MRPS5: variants seen among roughly 807,000 people sequenced by gnomAD.
The protein encoded by MRPS5 is mitochondrial ribosomal protein S5.
Under a neutral mutation model 51.9 loss-of-function variants are expected in MRPS5, and 27 were observed. That is an observed-to-expected ratio of 0.52 (90% CI 0.38 to 0.72). MRPS5 has a LOEUF of 0.72. MRPS5 is among the 30% of genes least tolerant of loss of function. MRPS5 has a pLI of 0.00. For synonymous variants in MRPS5, 196 were observed against 193.2 expected, an observed-to-expected ratio of 1.01 and a Z score of -0.12; for missense variants, 570 against 545.7, an observed-to-expected ratio of 1.04 and a Z score of -0.44.
intron 7 of MRPS5, chr2:95,102,057 G>A (rs1472471145): frequency 4.9e-6 from 1 of 205,892 alleles, no homozygotes; most frequent in East Asian, 1.3e-4. Context: ...CTACTCAGGA[G>A]GCTGAGATGG....
In MRPS5 at chr2:95,104,635, T is replaced by C. The variant is rs1177721314; in HGVS notation, c.763+5A>G. ...GCCACTGTGATGCCATCACTCCCCATTCACCTGCAGCTCCTTTTCCGTTCC... is the reference window on the plus strand; with the variant it reads ...GCCACTGTGATGCCATCACTCCCCACTCACCTGCAGCTCCTTTTCCGTTCC... On this transcript the variant is annotated splice_donor_5th_base_variant and intron_variant, in intron 7 of 11. Transcript: ENST00000272418. 4.3e-6 allele frequency: 7 copies of C among 1,613,848 alleles called. No individual in the cohort carries two copies. The highest frequency in any genetic ancestry group is 1.3e-5 in the African/African-American group (1 of 74,928).
intron 5 of MRPS5, among the ~76,000 whole-genome samples, chr2:95,106,988 C>T (rs1675969416): frequency 6.6e-6 from 1 of 152,192 alleles, no homozygotes; most frequent in Non-Finnish European, 1.5e-5. Context: ...CTCCCTGCTG[C>T]CAGCTGGCCT....
rs552974567 is a variant in MRPS5 at position 95,108,284 on chromosome 2, T to C, written c.528A>G (p.Arg176=). 2.5e-6 allele frequency: 4 copies of C among 1,614,206 alleles called. No homozygotes were observed. The highest frequency in any genetic ancestry group is 4.5e-5 in the East Asian group (2 of 44,882). ...EKVEADMIQQ[R]EEWDRKKKMK... is the part of the protein sequence containing the mutation. ...TCTTCTTCTTTCGGTCCCACTCTTCTCTCTGCTGGATCATGTCTGCCTCCA... is the reference window on the plus strand; with the variant it reads ...TCTTCTTCTTTCGGTCCCACTCTTCCCTCTGCTGGATCATGTCTGCCTCCA... The change falls in exon 5 of 12, where the codon AGA becomes AGG. Residue 176 remains arginine (R), a synonymous_variant. Transcript: ENST00000272418.
intron 1 of MRPS5, 132 bp downstream of exon 1, chr2:95,121,602 G>C: frequency 1.0e-6 from 1 of 992,032 alleles, no homozygotes; most frequent in Non-Finnish European, 1.4e-6. Flanking sequence ...TCCGGCGGAA[G>C]GTGGGGGCAC....
At chr2:95,120,636 G>A (rs1309190134) in intron 1 of MRPS5, among the ~76,000 whole-genome samples, 1 of 152,226 alleles carries the variant, frequency 6.6e-6, no homozygotes, top group Non-Finnish European at 1.5e-5. Flanking sequence ...TTCGGAGCCA[G>A]GTGATATGGG....
At position 95,092,270 on chromosome 2, in the gene MRPS5, T is replaced by C. The variant is rs141001054; in HGVS notation, c.932-1748A>G. 11 of 152,330 alleles carry C rather than the reference T, an allele frequency of 7.2e-5. No homozygotes were observed. In the East Asian group the frequency reaches 2.1e-3, roughly 29 times the overall value. The allele number at this position is 152,330 out of a possible 1,614,324, so 9.4% of individuals were successfully genotyped here. On this transcript the variant is annotated intron_variant, in intron 10 of 11. Transcript: ENST00000272418. ...TGCTGTGTGTGGAACTGAATACTGT[T>C]CTATAGCCGAAGTAGAAGTGTTCCA...
intron 1 of MRPS5, 109 bp downstream of exon 1, chr2:95,121,625 C>CG: frequency 7.9e-7 from 1 of 1,264,358 alleles, no homozygotes; most frequent in Admixed American, 2.4e-5. Flanking sequence ...CGTGAAGAGC[C>CG]GGGGGCCGCG....
intron 9 of MRPS5, 96 bp downstream of exon 9, chr2:95,100,741 G>C: frequency 9.8e-7 from 1 of 1,015,746 alleles, no homozygotes; most frequent in Non-Finnish European, 1.4e-6. Flanking sequence ...TGTAATAAGA[G>C]AGAAACACAA....
chr2:95,118,328 G>A (rs1222467564), intron 1 of MRPS5, among the ~76,000 whole-genome samples: 1 of 152,148 alleles, frequency 6.6e-6, no homozygotes, highest in Admixed American at 6.5e-5. Context: ...AACAGGTCTG[G>A]TCACTTCACA....
intron 2 of MRPS5, among the ~76,000 whole-genome samples, chr2:95,116,882 T>C (rs1414316345): frequency 6.6e-6 from 1 of 150,936 alleles, no homozygotes; most frequent in Non-Finnish European, 1.5e-5. Context: ...CTGTAATGCC[T>C]ATAATCCGAG....
chr2:95,108,695 C>T (rs1676026155), intron 4 of MRPS5, among the ~76,000 whole-genome samples: 1 of 152,076 alleles, frequency 6.6e-6, no homozygotes. Context: ...TACAAATGTC[C>T]AGCAATTATG....
rs557890360 is a variant in MRPS5, at chr2:95,088,991, C to T, written c.1068+1395G>A. ...CTGAGGCAGGAGAATCGCTTGAACCCGTGAGGCGGAGGTTGCAGTGAGCTG... is the reference window on the plus strand; with the variant it reads ...CTGAGGCAGGAGAATCGCTTGAACCTGTGAGGCGGAGGTTGCAGTGAGCTG... On this transcript the variant is annotated intron_variant, in intron 11 of 11. Transcript: ENST00000272418. 6.6e-5 allele frequency among the ~76,000 whole-genome samples: 10 copies of T among 152,230 alleles called. No homozygotes were observed. In the East Asian group the frequency reaches 1.5e-3, roughly 24 times the overall value.
Position 95,117,871 on chromosome 2 carries a change from C to T in MRPS5, c.133G>A (p.Gly45Ser), listed in dbSNP as rs373177312. 1.2e-5 allele frequency: 20 copies of T among 1,605,866 alleles called. No individual in the cohort carries two copies. Among genetic ancestry groups the T allele is most frequent in the South Asian group, 2.3e-5 (2 of 88,856 alleles). Residue 45 changes from glycine to serine, a missense_variant, in exon 2 of 12, where the codon GGC becomes AGC. Physicochemically the swap from Gly to Ser is moderately conservative, Grantham distance 56. Coordinates refer to ENST00000272418, the MANE Select transcript of MRPS5 (RefSeq NM_031902.5). ...TAGCATTAATGAATCTCACCATTGCCGAGAACACTCTTCCATGCCAAAATG... is the reference window on the plus strand; with the variant it reads ...TAGCATTAATGAATCTCACCATTGCTGAGAACACTCTTCCATGCCAAAATG... ...ASILAWKSVL[G>S]NGHLSSLGTR...
At chr2:95,106,499 T>A in intron 5 of MRPS5, 42 bp from the exon 6 acceptor site, 2 of 1,517,786 alleles carry the variant, frequency 1.3e-6, no homozygotes, top group African/African-American at 1.4e-5. Flanking sequence ...GAAATGTGTG[T>A]ACACAATTAA....
rs1233925756 is a variant in MRPS5, at chr2:95,104,622, C to T, written c.763+18G>A. ...CCTGCACACCACCGCCACTGTGATG[C>T]CATCACTCCCCATTCACCTGCAGCT... On this transcript the variant is annotated intron_variant, in intron 7 of 11. Transcript: ENST00000272418. 46 of 1,613,022 alleles carry T rather than the reference C, an allele frequency of 2.9e-5. No homozygotes were observed. The highest frequency in any genetic ancestry group is 3.3e-4 in the Middle Eastern group (2 of 6,078).
Position 95,087,491 on chromosome 2 carries a change from G to C in MRPS5, c.1159C>G (p.Pro387Ala). The part of the protein sequence containing the change: ...CGPLPIVVAS[P>A]RGPLRKDPEP... ...GGATCCTTCCTCAAGGGCCCCCGGG[G>C]GGACGCAACCACAATGGGCAGAGGG... The change falls in exon 12 of 12, where the codon CCC (proline) becomes GCC (alanine). Residue 387 changes from proline (P) to alanine (A), a missense_variant. Transcript: ENST00000272418. 6.2e-7 allele frequency: 1 copy of C among 1,614,114 alleles called. No homozygotes were observed. The highest frequency in any genetic ancestry group is 8.5e-7 in the Non-Finnish European group (1 of 1,180,020).
intron 1 of MRPS5, among the ~76,000 whole-genome samples, chr2:95,120,021 C>T (rs1292000308): frequency 1.3e-5 from 2 of 152,176 alleles, no homozygotes; most frequent in African/African-American, 2.4e-5. Flanking sequence ...CGTGATCGTG[C>T]CAATGCACTC....
intron 10 of MRPS5, among the ~76,000 whole-genome samples, chr2:95,099,275 T>G (rs1473886375): frequency 6.6e-6 from 1 of 151,950 alleles, no homozygotes; most frequent in Non-Finnish European, 1.5e-5. Flanking sequence ...CAAACATCAT[T>G]GAGATATAAA....
intron 10 of MRPS5, among the ~76,000 whole-genome samples, chr2:95,097,298 C>G (rs1215957084): frequency 6.6e-6 from 1 of 152,214 alleles, no homozygotes; most frequent in Non-Finnish European, 1.5e-5. Context: ...CCATCCCCAT[C>G]AAGCTACCAA....
Sources: gnomAD v4.1 joint callset for allele counts (sites outside exome capture counted in the v4.1 genomes callset) on GRCh38, gnomAD v4.1.1 for gene constraint, MANE v1.5 for transcripts, NCBI Gene and HGNC (gene_info 2026-07-23, HGNC 2026-07-21) for gene names.